GRIK1: variants seen among roughly 807,000 people sequenced by gnomAD.
GRIK1 encodes the protein glutamate ionotropic receptor kainate type subunit 1.
Under a neutral mutation model 105.7 loss-of-function variants are expected in GRIK1, and 69 were observed. The ratio of observed to expected loss-of-function variants is 0.65; its 90% confidence interval spans 0.54 to 0.80. GRIK1 has a LOEUF of 0.80. Ranked by LOEUF, GRIK1 falls within the 30% of genes least tolerant of loss-of-function variation. GRIK1 has a pLI of 0.00. For synonymous variants in GRIK1, 438 were observed against 431.3 expected, an observed-to-expected ratio of 1.02 and a Z score of -0.19; for missense variants, 1,109 against 1,167.3, an observed-to-expected ratio of 0.95 and a Z score of 0.73.
intron 1 of GRIK1, among the ~76,000 whole-genome samples, chr21:29,843,534 T>G (rs1334858974): frequency 6.6e-6 from 1 of 152,032 alleles, no homozygotes; most frequent in Non-Finnish European, 1.5e-5. Flanking sequence ...AAAGTAAGAT[T>G]TTTTTTTAAA....
intron 7 of GRIK1, 76 bp downstream of exon 7, chr21:29,642,750 T>C (rs1399143698): frequency 1.5e-6 from 2 of 1,294,140 alleles, no homozygotes; most frequent in African/African-American, 1.5e-5. Flanking sequence ...CAGAACCCTG[T>C]GGGGAGGACC....
At chr21:29,770,702 A>T (rs2065792809) in intron 1 of GRIK1, among the ~76,000 whole-genome samples, 1 of 152,252 alleles carries the variant, frequency 6.6e-6, no homozygotes, top group South Asian at 2.1e-4. Context: ...CAACAAGAAC[A>T]TCTAATAAAA....
At chr21:29,917,593 C>T (rs1031165205) in intron 1 of GRIK1, among the ~76,000 whole-genome samples, 1 of 151,992 alleles carries the variant, frequency 6.6e-6, no homozygotes, top group Non-Finnish European at 1.5e-5. Flanking sequence ...TCTTCAAATG[C>T]TTTCCATTGA....
intron 3 of GRIK1, among the ~76,000 whole-genome samples, chr21:29,683,929 C>G (rs2063430237): frequency 1.3e-5 from 2 of 152,186 alleles, no homozygotes; most frequent in South Asian, 4.1e-4. Flanking sequence ...GTCTGAAATG[C>G]TCTCCCCCAG....
intron 1 of GRIK1, among the ~76,000 whole-genome samples, chr21:29,843,018 CT>C (rs1017589883): frequency 2.0e-5 from 3 of 152,038 alleles, no homozygotes; most frequent in Non-Finnish European, 2.9e-5. Flanking sequence ...TGTTTACCTT[CT>C]TTTTTTTCCA....
rs561041670 is a variant in GRIK1, at chr21:29,545,167, T to A, written c.2608-7283A>T. ...ATAGCTGATGGTATAAAAGGGAGCA[T>A]GAAACATGGCCCAGTCCAGTGCTAT... is the stretch of plus-strand genomic sequence containing the variant. On this transcript the variant is annotated intron_variant, in intron 16 of 17. Coordinates refer to ENST00000327783, the MANE Select transcript of GRIK1 (RefSeq NM_001330994.2). Among the ~76,000 whole-genome samples, 4 of 152,322 alleles carry A rather than the reference T, an allele frequency of 2.6e-5. No individual in the cohort carries two copies. The South Asian group carries it at 8.3e-4, about 32-fold the overall frequency.
At chr21:29,661,919 A>G (rs1033821431) in intron 4 of GRIK1, among the ~76,000 whole-genome samples, 3 of 152,208 alleles carry the variant, frequency 2.0e-5, no homozygotes, top group Non-Finnish European at 4.4e-5. Context: ...TGATAAGCTA[A>G]CCACAAGTCT....
intron 1 of GRIK1, among the ~76,000 whole-genome samples, chr21:29,878,082 G>C (rs1405045289): frequency 6.6e-6 from 1 of 152,168 alleles, no homozygotes; most frequent in Non-Finnish European, 1.5e-5. Context: ...GTAGAGACAG[G>C]CTGAAGTAAG....
chr21:29,628,263 A>G (rs1407225451), intron 7 of GRIK1, among the ~76,000 whole-genome samples: 2 of 152,228 alleles, frequency 1.3e-5, no homozygotes, highest in African/African-American at 4.8e-5. Flanking sequence ...AATGATAAAC[A>G]TAACCTTTAG....
chr21:29,744,219 G>A (rs189527285), intron 1 of GRIK1, among the ~76,000 whole-genome samples: 275 of 152,282 alleles, frequency 1.8e-3, no homozygotes, highest in Admixed American at 4.2e-3. Context: ...AGAGGAGCTG[G>A]GAGCCAGGTG....
chr21:29,925,401 C>T (rs993898196), intron 1 of GRIK1, among the ~76,000 whole-genome samples: 2 of 152,096 alleles, frequency 1.3e-5, no homozygotes, highest in African/African-American at 4.8e-5. Context: ...CCTCCATCCT[C>T]ATTAATGTAT....
intron 1 of GRIK1, among the ~76,000 whole-genome samples, chr21:29,696,543 A>C (rs1369271883): frequency 6.6e-6 from 1 of 152,254 alleles, no homozygotes; most frequent in African/African-American, 2.4e-5. Flanking sequence ...CTTGGTCACC[A>C]GAAGGTGGAC....
intron 11 of GRIK1, 36 bp downstream of exon 11, chr21:29,588,803 C>A: frequency 3.7e-6 from 4 of 1,066,936 alleles, no homozygotes; most frequent in Non-Finnish European, 5.8e-6. Flanking sequence ...TTCTCTTATG[C>A]ATATTTTCAG....
chr21:29,682,033 G>C (rs2063390249), intron 3 of GRIK1, among the ~76,000 whole-genome samples: 1 of 152,158 alleles, frequency 6.6e-6, no homozygotes, highest in African/African-American at 2.4e-5. Context: ...CCTATGACAG[G>C]GTTTTCCAAG....
At chr21:29,675,035 G>A (rs903320886) in intron 3 of GRIK1, among the ~76,000 whole-genome samples, 22 of 152,250 alleles carry the variant, frequency 1.4e-4, no homozygotes, top group South Asian at 8.3e-4. Context: ...ACGTGGGTTC[G>A]TATATTTGTT....
Position 29,939,586 on chromosome 21 carries a change from A to G in GRIK1, c.-86T>C, listed in dbSNP as rs1365907325. The stretch of plus-strand genomic sequence containing the variant: ...CCAACTTGGGCCGGGTCCCCGCCTC[A>G]TCCTCTCTGGATGCTCCGGTTCCAA... On this transcript the variant is annotated 5_prime_UTR_variant, in exon 1 of 18. It removes an upstream start codon present in the reference 5' UTR. Transcript: ENST00000327783. 3 of 793,398 alleles carry G rather than the reference A, an allele frequency of 3.8e-6. No homozygotes were observed. The highest frequency in any genetic ancestry group is 6.0e-6 in the Non-Finnish European group (3 of 499,106). 49.1% of individuals were successfully genotyped at this position (793,398 alleles called of 1,614,324 possible). A position where few individuals can be genotyped will look rare whatever the true frequency, so the allele number is the denominator to read the frequency against.
chr21:29,721,810 C>A (rs1182780002), intron 1 of GRIK1, among the ~76,000 whole-genome samples: 1 of 152,064 alleles, frequency 6.6e-6, no homozygotes, highest in African/African-American at 2.4e-5. Flanking sequence ...TGGTTTGGTG[C>A]CCCTTCCATC....
chr21:29,730,500 A>T (rs1447383664), intron 1 of GRIK1, among the ~76,000 whole-genome samples: 1 of 152,222 alleles, frequency 6.6e-6, no homozygotes, highest in African/African-American at 2.4e-5. Context: ...AACTGCAGAT[A>T]AGATTTCAAA....
At chr21:29,882,146 G>A (rs2069437368) in intron 1 of GRIK1, among the ~76,000 whole-genome samples, 1 of 151,914 alleles carries the variant, frequency 6.6e-6, no homozygotes, top group South Asian at 2.1e-4. Context: ...GCCATAACAG[G>A]CATTTGTTGT....
Sources: gnomAD v4.1 joint callset for allele counts (sites outside exome capture counted in the v4.1 genomes callset) on GRCh38, gnomAD v4.1.1 for gene constraint, MANE v1.5 for transcripts, NCBI Gene and HGNC (gene_info 2026-07-23, HGNC 2026-07-21) for gene names.